Variants in ABLIM2 observed in about 807,000 individuals in gnomAD.
The protein encoded by ABLIM2 is actin binding LIM protein family member 2, also known as actin-binding LIM protein 2.
ABLIM2 carries 53 observed loss-of-function variants against 97.7 expected under a neutral mutation model. The ratio of observed to expected loss-of-function variants is 0.54; its 90% CI spans 0.44 to 0.68. The LOEUF is 0.68. Ranked by LOEUF, ABLIM2 falls within the 30% of genes least tolerant of loss-of-function variation. The pLI is 0.00. For missense variants in ABLIM2, 835 were observed against 867.2 expected, an observed-to-expected ratio of 0.96 and a Z score of 0.47; for synonymous variants, 361 against 345.8, an observed-to-expected ratio of 1.04 and a Z score of -0.49.
chr4:8,076,506 C>A (rs902038430), intron 6 of ABLIM2, among the ~76,000 whole-genome samples: 2 of 152,114 alleles, frequency 1.3e-5, no homozygotes, highest in African/African-American at 4.8e-5. Context: ...CAGTGCCCCT[C>A]CCTACAGCCT....
In ABLIM2 at chr4:7,992,393, G is replaced by T. The variant is rs983568509; in HGVS notation, c.1680+473C>A. Among the ~76,000 whole-genome samples, 17 of 152,242 alleles carry T rather than the reference G, an allele frequency of 1.1e-4. No homozygotes were observed. Among genetic ancestry groups the T allele is most frequent in the African/African-American group, 4.1e-4 (17 of 41,534 alleles). On this transcript the variant is annotated intron_variant, in intron 17 of 20. Transcript: ENST00000447017. The surrounding 1 kb of genome is among the most constrained non-coding windows in gnomAD (Gnocchi z 5.7). ...CCGTGCAGCCTCAAGTAACAGCCTT[G>T]GACGCTAAGGATTATTTGGTGTCAT... is the stretch of plus-strand genomic sequence containing the variant.
chr4:8,006,179 C>T (rs966710653), intron 16 of ABLIM2, among the ~76,000 whole-genome samples: 2 of 152,224 alleles, frequency 1.3e-5, no homozygotes, highest in Non-Finnish European at 2.9e-5. Context: ...GGAAGCAGTG[C>T]ACGAGGTGAA....
rs779162927 is a variant in ABLIM2 at position 7,983,257 on chromosome 4, C to T, written c.1824+7G>A. 11 of 1,607,392 alleles carry T rather than the reference C, an allele frequency of 6.8e-6. No individual in the cohort carries two copies. Among genetic ancestry groups the T allele is most frequent in the African/African-American group, 4.0e-5 (3 of 74,860 alleles). Reference sequence around the variant, plus strand: ...TGAGTCCCCTGCCCCGGCAGTCCCCCGCTTACCTCCAGTCTCGTCCGGTCC... The same window carrying T: ...TGAGTCCCCTGCCCCGGCAGTCCCCTGCTTACCTCCAGTCTCGTCCGGTCC... On this transcript the variant is annotated splice_region_variant and intron_variant, in intron 20 of 20. Coordinates refer to ENST00000447017, the MANE Select transcript of ABLIM2 (RefSeq NM_001130083.2).
intron 1 of ABLIM2, among the ~76,000 whole-genome samples, chr4:8,133,707 C>T (rs75684179): frequency 0.018 from 2,762 of 152,336 alleles, 88 homozygotes; most frequent in African/African-American, 0.063. Flanking sequence ...GTCCATGCCC[C>T]GGCCCTCCGA....
At chr4:8,070,825 A>G (rs1278305535) in intron 6 of ABLIM2, among the ~76,000 whole-genome samples, 7 of 152,016 alleles carry the variant, frequency 4.6e-5, no homozygotes. Context: ...GAGTAAAGGG[A>G]GGAGGAATTG....
At chr4:8,012,930 TC>T (rs745585160) in intron 14 of ABLIM2, among the ~76,000 whole-genome samples, 2 of 152,192 alleles carry the variant, frequency 1.3e-5, no homozygotes, top group Non-Finnish European at 2.9e-5. Flanking sequence ...CCTTAGCCCC[TC>T]AACCTTTATC....
chr4:8,059,062 G>A (rs1801236665), intron 7 of ABLIM2, among the ~76,000 whole-genome samples: 1 of 151,998 alleles, frequency 6.6e-6, no homozygotes, highest in East Asian at 1.9e-4. Context: ...ACTCCTGTTG[G>A]GAAGAGTCTT....
At chr4:8,034,949 G>A (rs1257620949) in intron 10 of ABLIM2, among the ~76,000 whole-genome samples, 2 of 124,278 alleles carry the variant, frequency 1.6e-5, no homozygotes, top group Non-Finnish European at 3.4e-5. Flanking sequence ...GATGGGTGGT[G>A]GGTGGTAGGT....
chr4:8,007,974 A>AG, intron 16 of ABLIM2, 85 bp downstream of exon 16: 1 of 1,569,188 alleles, frequency 6.4e-7, no homozygotes, highest in Non-Finnish European at 8.7e-7. Context: ...GCTTAGATGT[A>AG]GGGGGATAGC....
rs919013737 is a variant in ABLIM2, at chr4:8,127,335, G to A, written c.11-20698C>T. ...TCCTCACCCCACAGTGCTGTCCATA[G>A]AGAGTGTCCCCGAAGCCTGCACCCA... On this transcript the variant is annotated intron_variant, in intron 1 of 20. Coordinates refer to ENST00000447017, the MANE Select transcript of ABLIM2 (RefSeq NM_001130083.2). This position sits in a 1 kb window ranked among gnomAD's most constrained non-coding sequence, Gnocchi z 7.3. 1.3e-5 allele frequency among the ~76,000 whole-genome samples: 2 copies of A among 152,172 alleles called. No individual in the cohort carries two copies. Among genetic ancestry groups the A allele is most frequent in the Admixed American group, 6.5e-5 (1 of 15,280 alleles).
chr4:8,151,985 A>C (rs1343197352), intron 1 of ABLIM2, among the ~76,000 whole-genome samples: 2 of 152,134 alleles, frequency 1.3e-5, no homozygotes, highest in African/African-American at 4.8e-5. Context: ...GACGCTAGGC[A>C]GGAACCCCCA....
Position 8,058,939 on chromosome 4 carries a change from A to G in ABLIM2, c.763+2028T>C, listed in dbSNP as rs1801132805. Reference sequence around the variant, plus strand: ...GTGGGGTCAGTTCAGCAAGAAGCCCAGTACCTCGAGCGACTTTCCACCTGC... The same window carrying G: ...GTGGGGTCAGTTCAGCAAGAAGCCCGGTACCTCGAGCGACTTTCCACCTGC... On this transcript the variant is annotated intron_variant, in intron 7 of 20. Coordinates refer to ENST00000447017, the MANE Select transcript of ABLIM2 (RefSeq NM_001130083.2). The surrounding 1 kb of genome is among the most constrained non-coding windows in gnomAD (Gnocchi z 4.2). Among the ~76,000 whole-genome samples the G allele has an allele frequency of 6.6e-6, 1 of 152,112 alleles. No individual in the cohort carries two copies. Among genetic ancestry groups the G allele is most frequent in the Non-Finnish European group, 1.5e-5 (1 of 68,032 alleles).
intron 11 of ABLIM2, among the ~76,000 whole-genome samples, chr4:8,029,378 G>GC (rs1779386330): frequency 6.6e-6 from 1 of 152,146 alleles, no homozygotes. Flanking sequence ...CTCAGCGTGT[G>GC]CCCCCTAGGC....
chr4:7,968,387 C>CT (rs1354535492), intron 20 of ABLIM2, among the ~76,000 whole-genome samples: 3 of 152,232 alleles, frequency 2.0e-5, no homozygotes, highest in African/African-American at 7.2e-5. Context: ...GCCCATGTTC[C>CT]TAGCAGCATT....
chr4:8,150,384 C>T lies in ABLIM2; in HGVS notation c.10+8296G>A, dbSNP rs1377620983. Among the ~76,000 whole-genome samples the T allele has an allele frequency of 6.6e-6, 1 of 152,208 alleles. No homozygotes were observed. The highest frequency in any genetic ancestry group is 1.5e-5 in the Non-Finnish European group (1 of 68,028). On this transcript the variant is annotated intron_variant, in intron 1 of 20. Coordinates refer to ENST00000447017, the MANE Select transcript of ABLIM2 (RefSeq NM_001130083.2). The surrounding 1 kb of genome is among the most constrained non-coding windows in gnomAD (Gnocchi z 6.3). ...CTTGGGTGTTCACGAAATGCCTCCT[C>T]TCATTCTACCTGAGTGGCTTTCAGG...
rs779552345 is a variant in ABLIM2, at chr4:8,008,025, A to G, written c.1618+34T>C. 40 of 1,608,784 alleles carry G rather than the reference A, an allele frequency of 2.5e-5. No homozygotes were observed. The East Asian group carries it at 8.9e-4, about 36-fold the overall frequency. ...CTCTTTGCCGCGAGGCATTTTGTGC[A>G]CATCACGGCTCCTTCTTCAAAAGAA... On this transcript the variant is annotated intron_variant, in intron 16 of 20. Coordinates refer to ENST00000447017, the MANE Select transcript of ABLIM2 (RefSeq NM_001130083.2).
At chr4:8,052,419 A>G (rs1796602216) in intron 8 of ABLIM2, among the ~76,000 whole-genome samples, 1 of 152,224 alleles carries the variant, frequency 6.6e-6, no homozygotes, top group African/African-American at 2.4e-5. Flanking sequence ...TGAATCATGG[A>G]CTGCAGCAGC....
chr4:8,089,355 T>G (rs1046996698), intron 3 of ABLIM2, among the ~76,000 whole-genome samples: 1 of 152,194 alleles, frequency 6.6e-6, no homozygotes, highest in Admixed American at 6.5e-5. Flanking sequence ...ACCGGGCCAC[T>G]TTCCTTCCCC....
Position 8,095,704 on chromosome 4 carries a change from G to A in ABLIM2, c.338+1395C>T, listed in dbSNP as rs1051325070. 2.6e-5 allele frequency among the ~76,000 whole-genome samples: 4 copies of A among 152,086 alleles called. No homozygotes were observed. The highest frequency in any genetic ancestry group is 6.6e-5 in the Admixed American group (1 of 15,260). The stretch of plus-strand genomic sequence containing the variant: ...AGCCAGCATGATCTTCCTGAGGCTC[G>A]TTTTGTGCTTTGGTAGAGCAGGTTC... On this transcript the variant is annotated intron_variant, in intron 3 of 20. Transcript: ENST00000447017. This position sits in a 1 kb window ranked among gnomAD's most constrained non-coding sequence, Gnocchi z 4.7.
Sources: gnomAD v4.1 joint callset for allele counts (sites outside exome capture counted in the v4.1 genomes callset) on GRCh38, gnomAD v4.1.1 for gene constraint, Gnocchi (gnomAD v3.1) non-coding constraint, MANE v1.5 for transcripts, NCBI Gene and HGNC (gene_info 2026-07-23, HGNC 2026-07-21) for gene names.